Variants in KRT80 observed in about 807,000 individuals in gnomAD.
KRT80 encodes the protein keratin, type II cytoskeletal 80.
In KRT80, 36 loss-of-function variants were observed where a neutral mutation model predicts 51.5. The observed-to-expected ratio is 0.70, with a 90% confidence interval of 0.54 to 0.92. The LOEUF is 0.92. Ranked by LOEUF, KRT80 falls within the 40% of genes least tolerant of loss-of-function variation. The pLI, the probability that KRT80 is intolerant of heterozygous loss-of-function variation, is 0.00. For synonymous variants in KRT80, 235 were observed against 248.3 expected (o/e 0.95, Z 0.50); for missense variants, 566 against 591.7 (o/e 0.96, Z 0.45).
chr12:52,180,991 T>C (rs1941312327), intron 2 of KRT80, 28 bp from the exon 3 acceptor site: 2 of 1,507,048 alleles, frequency 1.3e-6, no homozygotes, highest in Non-Finnish European at 1.8e-6. Context: ...GTTGCTCAGC[T>C]GGATATGGTG....
Position 52,170,662 on chromosome 12 carries a change from CT to C in KRT80, c.*735del, listed in dbSNP as rs781484080. The C allele has an allele frequency of 1.3e-5, 2 of 152,484 alleles. No individual in the cohort carries two copies. Among genetic ancestry groups the C allele is most frequent in the Non-Finnish European group, 2.9e-5 (2 of 68,090 alleles). 9.4% of individuals were successfully genotyped at this position (152,484 alleles called of 1,614,324 possible). A position where few individuals can be genotyped will look rare whatever the true frequency, so the allele number is the denominator to read the frequency against. Reference sequence around the variant, plus strand: ...AGGGAGTTGATTATGGCAAGAGCAGCTTCCGGAGAAGCTGCTGGGAGCTGGC... The same window carrying C: ...AGGGAGTTGATTATGGCAAGAGCAGCTCCGGAGAAGCTGCTGGGAGCTGGC... On this transcript the variant is annotated 3_prime_UTR_variant, in exon 9 of 9. Coordinates refer to ENST00000394815, the MANE Select transcript of KRT80 (RefSeq NM_182507.3).
At chr12:52,191,533 A>T (rs1052341098) in intron 1 of KRT80, 70 bp downstream of exon 1, 1 of 1,433,330 alleles carries the variant, frequency 7.0e-7, no homozygotes, top group African/African-American at 1.4e-5. Context: ...ATGCTCAGGG[A>T]AACACAGAGC....
chr12:52,180,447 C>G (rs1051439228), intron 4 of KRT80, 66 bp downstream of exon 4: 69 of 1,125,448 alleles, frequency 6.1e-5, no homozygotes, highest in Non-Finnish European at 7.9e-5. Context: ...TGTGCTTCCC[C>G]TGTGTCCTTT....
At chr12:52,190,146 C>G (rs1403276224) in intron 1 of KRT80, among the ~76,000 whole-genome samples, 1 of 152,170 alleles carries the variant, frequency 6.6e-6, no homozygotes, top group African/African-American at 2.4e-5. Context: ...GGTCCTTCCC[C>G]TCTGGGTACC....
intron 2 of KRT80, among the ~76,000 whole-genome samples, chr12:52,181,915 G>C (rs1941327510): frequency 6.6e-6 from 1 of 152,312 alleles, no homozygotes; most frequent in Non-Finnish European, 1.5e-5. Flanking sequence ...TGAATCACTG[G>C]CGGCTCTAAT....
chr12:52,188,799 T>C (rs1941441772), intron 1 of KRT80, among the ~76,000 whole-genome samples: 1 of 152,190 alleles, frequency 6.6e-6, no homozygotes, highest in Non-Finnish European at 1.5e-5. Context: ...ATCCCCTCTG[T>C]TGTCTGTGTG....
chr12:52,173,878 T>C, intron 4 of KRT80, 114 bp from the exon 5 acceptor site: 1 of 1,069,664 alleles, frequency 9.3e-7, no homozygotes, highest in Non-Finnish European at 1.3e-6. Flanking sequence ...GCTCCCTTCC[T>C]GTCCCTCTGG....
At chr12:52,174,482 G>A (rs76357419) in intron 4 of KRT80, among the ~76,000 whole-genome samples, 2,208 of 152,350 alleles carry the variant, frequency 0.014, 60 homozygotes, top group African/African-American at 0.048. Flanking sequence ...GACATTGCCT[G>A]GACGACCACA....
Position 52,191,751 on chromosome 12 carries a change from G to A in KRT80, c.152C>T (p.Ser51Leu), listed in dbSNP as rs766045499. ...FSSRSLTGCW[S>L]AGTISKVTVN... ...AGTCACCTTGGAGATAGTGCCAGCCGACCAGCAGCCTGTGAGGCTGCGGGA... is the reference window on the plus strand; with the variant it reads ...AGTCACCTTGGAGATAGTGCCAGCCAACCAGCAGCCTGTGAGGCTGCGGGA... The change falls in exon 1 of 9, where the codon TCG becomes TTG. Residue 51 changes from serine (S) to leucine (L), a missense_variant. Ser to Leu is a moderately radical substitution (Grantham distance 145). Coordinates refer to ENST00000394815, the MANE Select transcript of KRT80 (RefSeq NM_182507.3). 7.4e-6 allele frequency: 12 copies of A among 1,613,188 alleles called. No homozygotes were observed. The highest frequency in any genetic ancestry group is 4.5e-5 in the East Asian group (2 of 44,882).
At chr12:52,174,099 G>A (rs1366950411) in intron 4 of KRT80, among the ~76,000 whole-genome samples, 5 of 152,254 alleles carry the variant, frequency 3.3e-5, no homozygotes, top group African/African-American at 1.2e-4. Flanking sequence ...CCTGGCTGAT[G>A]GGAAAGGGCC....
intron 4 of KRT80, among the ~76,000 whole-genome samples, chr12:52,177,635 CTGTGTG>C (rs34730614): frequency 0.055 from 8,141 of 147,926 alleles, 722 homozygotes; most frequent in African/African-American, 0.19. Flanking sequence ...TGTATCTTGG[CTGTGTG>C]TGTGTGTGTG....
chr12:52,176,048 G>T (rs111493585), intron 4 of KRT80, among the ~76,000 whole-genome samples: 48 of 152,292 alleles, frequency 3.2e-4, no homozygotes, highest in African/African-American at 1.0e-3. Flanking sequence ...AAAGGCCGGC[G>T]CACTGTGAGG....
chr12:52,173,045 T>C lies in KRT80; in HGVS notation c.950A>G (p.Lys317Arg). ...CGTCCCCCAGATACTCACATGGCTCTTGACAGAGAGGATCTGGGACCGCAG... is the reference window on the plus strand; with the variant it reads ...CGTCCCCCAGATACTCACATGGCTCCTGACAGAGAGGATCTGGGACCGCAG... ...QKLRSQILSVKSHCLKLEENI... is the reference protein window; with the variant it reads ...QKLRSQILSVRSHCLKLEENI... Residue 317 changes from lysine (K) to arginine (R), a missense_variant, in exon 6 of 9, where the codon AAG becomes AGG. Physicochemically the swap from Lys to Arg is conservative, Grantham distance 26. Coordinates refer to ENST00000394815, the MANE Select transcript of KRT80 (RefSeq NM_182507.3). The C allele has an allele frequency of 1.2e-6, 2 of 1,610,644 alleles. No individual in the cohort carries two copies. The highest frequency in any genetic ancestry group is 1.7e-6 in the Non-Finnish European group (2 of 1,177,640).
intron 4 of KRT80, among the ~76,000 whole-genome samples, chr12:52,179,468 T>G (rs1941286986): frequency 6.6e-6 from 1 of 152,198 alleles, no homozygotes; most frequent in African/African-American, 2.4e-5. Flanking sequence ...CCCAAGGGTT[T>G]GCTGTTCTCT....
chr12:52,179,424 G>T (rs746853435), intron 4 of KRT80, among the ~76,000 whole-genome samples: 3 of 152,202 alleles, frequency 2.0e-5, no homozygotes, highest in African/African-American at 7.2e-5. Flanking sequence ...TGTGGGGAGA[G>T]CGGACTGCCT....
intron 1 of KRT80, among the ~76,000 whole-genome samples, chr12:52,185,917 G>A (rs1338460281): frequency 6.6e-6 from 1 of 151,982 alleles, no homozygotes; most frequent in Non-Finnish European, 1.5e-5. Flanking sequence ...TGGGGCTGGG[G>A]CGGGAGACCC....
At chr12:52,188,113 A>T (rs1192815956) in intron 1 of KRT80, among the ~76,000 whole-genome samples, 1 of 151,762 alleles carries the variant, frequency 6.6e-6, no homozygotes, top group Admixed American at 6.6e-5. Flanking sequence ...CCCACTTGGG[A>T]CCTTCCTTGC....
chr12:52,172,839 T>G (rs1459116546), intron 6 of KRT80, among the ~76,000 whole-genome samples, 199 bp downstream of exon 6: 1 of 152,166 alleles, frequency 6.6e-6, no homozygotes, highest in Non-Finnish European at 1.5e-5. Flanking sequence ...TTACAGAGTA[T>G]TTTTGTATGC....
At position 52,169,491 on chromosome 12, in the gene KRT80, C is replaced by T. The variant is rs559005639; in HGVS notation, c.*1907G>A. ...CCTGATTGACCAGTGGCTGACTGGT[C>T]CTGAGAGGGGAGATAAAAACAGACA... On this transcript the variant is annotated 3_prime_UTR_variant, in exon 9 of 9. Transcript: ENST00000394815. 1.8e-4 allele frequency: 28 copies of T among 152,642 alleles called. No homozygotes were observed. The highest frequency in any genetic ancestry group is 6.7e-4 in the African/African-American group (28 of 41,512). 9.5% of individuals were successfully genotyped at this position (152,642 alleles called of 1,614,324 possible).
Sources: allele counts gnomAD v4.1 joint callset (sites outside exome capture counted in the v4.1 genomes callset), GRCh38; gene constraint gnomAD v4.1.1; transcripts MANE v1.5; gene names NCBI Gene and HGNC (gene_info 2026-07-23, HGNC 2026-07-21).